MCF2: variants seen among roughly 807,000 people sequenced by gnomAD.
MCF2 encodes proto-oncogene DBL.
MCF2 carries 44 observed loss-of-function variants against 82.5 expected under a neutral mutation model. The observed-to-expected ratio is 0.53, with a 90% CI of 0.42 to 0.69. The LOEUF (loss-of-function observed/expected upper bound fraction) is 0.69, where lower values mean the gene tolerates loss of function less well. Ranked by LOEUF, MCF2 falls within the 30% of genes least tolerant of loss-of-function variation. The probability of loss-of-function intolerance (pLI) is 0.00; values close to 1 mark genes in which losing one functional copy is unlikely to be tolerated. For synonymous variants in MCF2, 217 were observed against 224.9 expected, an observed-to-expected ratio of 0.96 and a Z score of 0.32; for missense variants, 623 against 663.1, an observed-to-expected ratio of 0.94 and a Z score of 0.66.
chrX:139,631,337 G>C (rs766569761), intron 3 of MCF2, 58 bp downstream of exon 6: 26 of 661,288 alleles, frequency 3.9e-5, no homozygotes, highest in Non-Finnish European at 5.2e-5. Flanking sequence ...TCTAGAACTA[G>C]ATTTAAAGGC....
intron 3 of MCF2, 64 bp downstream of exon 6, chrX:139,631,331 G>C: frequency 1.6e-6 from 1 of 630,284 alleles, no homozygotes. Context: ...AAGAATTCTA[G>C]AACTAGATTT....
At chrX:139,636,452 C>T (rs1933224471) in intron 1 of MCF2, among the ~76,000 whole-genome samples, 1 of 111,708 alleles carries the variant, frequency 9.0e-6, no homozygotes, top group Non-Finnish European at 1.9e-5. Context: ...CTCTGACTTC[C>T]CTTAATCTCA....
intron 19 of MCF2, among the ~76,000 whole-genome samples, chrX:139,592,292 T>C (rs888263898): frequency 9.0e-6 from 1 of 111,714 alleles, no homozygotes; most frequent in East Asian, 2.8e-4. Flanking sequence ...CTACCTTCTA[T>C]TGAAATGTTT....
At chrX:139,646,405 G>C (rs1479287983), upstream of MCF2, among the ~76,000 whole-genome samples, 1 of 111,521 alleles carries the variant, frequency 9.0e-6, no homozygotes, top group East Asian at 2.8e-4. Context: ...TACCACTATT[G>C]AATCTACTTA....
chrX:139,667,310 G>A (rs755379404), intron 1 of MCF2, among the ~76,000 whole-genome samples: 1 of 107,596 alleles, frequency 9.3e-6, no homozygotes, highest in East Asian at 2.9e-4. Context: ...GTCTCACTAT[G>A]TTGCTCAGGT....
At chrX:139,653,880 T>TGA (rs1934111999) in intron 1 of MCF2, among the ~76,000 whole-genome samples, 1 of 110,886 alleles carries the variant, frequency 9.0e-6, no homozygotes, top group Admixed American at 9.7e-5. Context: ...CACATATTAG[T>TGA]GAGAACAAGC....
At chrX:139,609,104 C>T (rs183030506) in intron 11 of MCF2, among the ~76,000 whole-genome samples, 1 of 112,476 alleles carries the variant, frequency 8.9e-6, no homozygotes, top group East Asian at 2.8e-4. Context: ...TTCCAGAGAA[C>T]TTACCCAAGT....
chrX:139,676,512 T>G (rs1447005282), intron 1 of MCF2, among the ~76,000 whole-genome samples: 1 of 112,209 alleles, frequency 8.9e-6, no homozygotes, highest in Non-Finnish European at 1.9e-5. Context: ...AGAGGTCATA[T>G]AGCATACTCC....
intron 1 of MCF2, among the ~76,000 whole-genome samples, chrX:139,703,832 A>T (rs1935544347): frequency 8.9e-6 from 1 of 112,241 alleles, no homozygotes; most frequent in African/African-American, 3.2e-5. Context: ...TAGAAAAAAA[A>T]TTTCTGGAAC....
chrX:139,642,892 C>T, exon 1 of MCF2: 4 of 804,018 alleles, frequency 5.0e-6, no homozygotes, highest in Non-Finnish European at 6.1e-6. Flanking sequence ...TAGGAGCAGG[C>T]TTGATGGGAC....
exon 24 of MCF2, chrX:139,585,085 T>C (rs750354382): frequency 5.0e-6 from 6 of 1,196,742 alleles, no homozygotes; most frequent in Non-Finnish European, 6.8e-6. Context: ...CCTATTTTCT[T>C]CTTCATTTTC....
intron 19 of MCF2, among the ~76,000 whole-genome samples, chrX:139,593,325 C>T (rs184999994): frequency 7.3e-5 from 8 of 110,091 alleles, no homozygotes; most frequent in African/African-American, 2.6e-4. Context: ...TTTGTTGATC[C>T]TTTCAAAAAA....
chrX:139,681,290 T>C lies in MCF2; in HGVS notation c.-45+26816A>G, dbSNP rs1246976702. Among the ~76,000 whole-genome samples the C allele has an allele frequency of 2.7e-5, 3 of 112,098 alleles. 1 individual carries two copies. The Admixed American group carries it at 2.8e-4, about 11-fold the overall frequency. On this transcript the variant is annotated intron_variant, in intron 1 of 27. Transcript: ENST00000414978. ...GTATCCTTGAATGTAAAGAATACTCTTGGCTGATAGCAGCGGCTGATGCTG... is the reference window on the plus strand; with the variant it reads ...GTATCCTTGAATGTAAAGAATACTCCTGGCTGATAGCAGCGGCTGATGCTG...
intron 13 of MCF2, among the ~76,000 whole-genome samples, chrX:139,605,388 G>A (rs4457501): frequency 1.8e-5 from 2 of 111,158 alleles, no homozygotes; most frequent in Admixed American, 1.9e-4. Flanking sequence ...TTTGTCAAAA[G>A]AATATTTTAT....
intron 1 of MCF2, among the ~76,000 whole-genome samples, chrX:139,681,302 A>C (rs1030935080): frequency 4.5e-5 from 5 of 111,838 alleles, no homozygotes; most frequent in Non-Finnish European, 9.4e-5. Context: ...GGCTGATAGC[A>C]GCGGCTGATG....
At chrX:139,625,631 C>T (rs980445049) in intron 6 of MCF2, among the ~76,000 whole-genome samples, 2 of 111,282 alleles carry the variant, frequency 1.8e-5, no homozygotes, top group African/African-American at 6.5e-5. Context: ...TGAACATGAC[C>T]GCAAAAGGAA....
chrX:139,637,419 C>A (rs1569374625), intron 1 of MCF2, among the ~76,000 whole-genome samples: 1 of 111,906 alleles, frequency 8.9e-6, no homozygotes, highest in East Asian at 2.8e-4. Flanking sequence ...TTCACTTAAC[C>A]CAGACCATAA....
chrX:139,597,421 G>A (rs766009627), intron 18 of MCF2, 39 bp downstream of exon 22: 74 of 1,094,136 alleles, frequency 6.8e-5, no homozygotes, highest in Non-Finnish European at 8.9e-5. Context: ...TTGAGATGCC[G>A]ACCCTCTAAA....
chrX:139,632,915 T>C (rs886336813), intron 1 of MCF2, among the ~76,000 whole-genome samples: 2 of 112,061 alleles, frequency 1.8e-5, no homozygotes, highest in African/African-American at 6.5e-5. Context: ...CAATATTTAC[T>C]GAACATCTTC....
Sources: allele counts gnomAD v4.1 joint callset (sites outside exome capture counted in the v4.1 genomes callset), GRCh38; gene constraint gnomAD v4.1.1; transcripts MANE v1.5; gene names NCBI Gene and HGNC (gene_info 2026-07-23, HGNC 2026-07-21).